Variants in LRRTM4 observed in about 807,000 individuals in gnomAD.
LRRTM4 encodes leucine rich repeat transmembrane neuronal 4, also known as leucine-rich repeat transmembrane neuronal protein 4.
A neutral mutation model predicts 47.6 loss-of-function variants in LRRTM4; 25 were observed. That is an observed-to-expected ratio of 0.53 (90% CI 0.38 to 0.73). LRRTM4 has a LOEUF of 0.73. Ranked by LOEUF, LRRTM4 falls within the 30% of genes least tolerant of loss-of-function variation. The pLI is 0.00. For synonymous variants in LRRTM4, 311 were observed against 269.5 expected (o/e 1.15, Z -1.51); for missense variants, 638 against 713.4 (o/e 0.89, Z 1.20).
chr2:77,035,570 G>GA (rs1310619640), intron 3 of LRRTM4, among the ~76,000 whole-genome samples: 5 of 151,530 alleles, frequency 3.3e-5, no homozygotes, highest in African/African-American at 1.2e-4. Flanking sequence ...ATAAACCCAA[G>GA]AAACAAAAAT....
chr2:77,422,428 A>C (rs955534227), intron 3 of LRRTM4, among the ~76,000 whole-genome samples: 1 of 152,200 alleles, frequency 6.6e-6, no homozygotes, highest in African/African-American at 2.4e-5. Context: ...AGCAAGTTGC[A>C]ATTTGTTAAA....
chr2:77,163,582 T>C (rs1019138966), intron 3 of LRRTM4, among the ~76,000 whole-genome samples: 9 of 152,176 alleles, frequency 5.9e-5, no homozygotes, highest in African/African-American at 1.2e-4. Flanking sequence ...GAGAAAAAGT[T>C]TGGGTTACCC....
chr2:76,748,603 T>C lies in LRRTM4; in HGVS notation c.*92A>G. On this transcript the variant is annotated 3_prime_UTR_variant, in exon 4 of 4. Coordinates refer to ENST00000409884, the MANE Select transcript of LRRTM4 (RefSeq NM_001134745.3). ...GTTTTAACAGGAACGATGAGCTTGC[T>C]CGATTGCGCGATTGTGGACACCCAT... 9.9e-7 allele frequency: 1 copy of C among 1,014,870 alleles called. No individual in the cohort carries two copies. The highest frequency in any genetic ancestry group is 1.5e-6 in the Non-Finnish European group (1 of 672,192). 62.9% of individuals were successfully genotyped at this position (1,014,870 alleles called of 1,614,324 possible). A position where few individuals can be genotyped will look rare whatever the true frequency, so the allele number is the denominator to read the frequency against.
intron 3 of LRRTM4, among the ~76,000 whole-genome samples, chr2:77,356,899 T>C (rs1281998027): frequency 1.3e-5 from 2 of 152,172 alleles, no homozygotes; most frequent in Admixed American, 1.3e-4. Context: ...ATTAATGTAT[T>C]TGATTTTTTT....
intron 3 of LRRTM4, among the ~76,000 whole-genome samples, chr2:77,055,407 G>A (rs1425405154): frequency 2.0e-5 from 3 of 152,134 alleles, no homozygotes; most frequent in Non-Finnish European, 4.4e-5. Flanking sequence ...CTCAAAAGAA[G>A]ACATTTATGC....
intron 3 of LRRTM4, among the ~76,000 whole-genome samples, chr2:77,400,140 TTA>T (rs1348567190): frequency 1.3e-5 from 2 of 151,884 alleles, no homozygotes; most frequent in African/African-American, 4.8e-5. Context: ...TTCCACATAT[TTA>T]TATGTCTTTC....
At chr2:77,235,559 G>A (rs1004789844) in intron 3 of LRRTM4, among the ~76,000 whole-genome samples, 4 of 152,002 alleles carry the variant, frequency 2.6e-5, no homozygotes, top group Admixed American at 6.6e-5. Flanking sequence ...TTGCAATTAC[G>A]TTTGAGGACA....
intron 3 of LRRTM4, among the ~76,000 whole-genome samples, chr2:77,512,732 A>G (rs573474577): frequency 6.6e-6 from 1 of 152,222 alleles, no homozygotes; most frequent in South Asian, 2.1e-4. Flanking sequence ...TTTTATAAAC[A>G]CAGAAAAGTC....
intron 3 of LRRTM4, among the ~76,000 whole-genome samples, chr2:76,936,345 C>A (rs368640940): frequency 2.0e-5 from 3 of 151,578 alleles, no homozygotes; most frequent in East Asian, 1.9e-4. Flanking sequence ...AAACAAAAAA[C>A]CAAACACCAC....
intron 3 of LRRTM4, among the ~76,000 whole-genome samples, chr2:77,155,020 T>C (rs915170652): frequency 6.6e-6 from 1 of 152,140 alleles, no homozygotes; most frequent in South Asian, 2.1e-4. Context: ...ATCCACATAA[T>C]AGGCACTCTA....
chr2:77,413,507 A>G (rs1489221724), intron 3 of LRRTM4, among the ~76,000 whole-genome samples: 2 of 152,150 alleles, frequency 1.3e-5, no homozygotes. Flanking sequence ...TATTTGCCCT[A>G]TTCTGGACCA....
intron 3 of LRRTM4, among the ~76,000 whole-genome samples, chr2:77,084,025 C>T (rs923941242): frequency 6.6e-6 from 1 of 151,336 alleles, no homozygotes; most frequent in African/African-American, 2.4e-5. Context: ...AAGGATGATC[C>T]CCATCTCCTG....
intron 3 of LRRTM4, among the ~76,000 whole-genome samples, chr2:77,140,354 G>C (rs541556797): frequency 6.6e-6 from 1 of 152,234 alleles, no homozygotes; most frequent in East Asian, 1.9e-4. Context: ...TGACAAACCT[G>C]ATAAAAACAA....
Position 77,451,025 on chromosome 2 carries a change from C to T in LRRTM4, c.1551+67293G>A, listed in dbSNP as rs571905654. Among the ~76,000 whole-genome samples the T allele has an allele frequency of 5.3e-5, 8 of 152,226 alleles. No homozygotes were observed. The East Asian group carries it at 1.5e-3, about 29-fold the overall frequency. The stretch of plus-strand genomic sequence containing the variant: ...TTCTATATGTAAACTTTTGCAATAA[C>T]CAAAACAGTTCATATACTTTCCCAT... On this transcript the variant is annotated intron_variant, in intron 3 of 3. Transcript: ENST00000409884.
At position 77,519,966 on chromosome 2, in the gene LRRTM4, G is replaced by C; in HGVS notation, c.5-102C>G. 1 of 1,439,452 alleles carries C rather than the reference G, an allele frequency of 6.9e-7. No homozygotes were observed. The highest frequency in any genetic ancestry group is 1.5e-5 in the South Asian group (1 of 66,242). 89.2% of individuals were successfully genotyped at this position (1,439,452 alleles called of 1,614,324 possible). A position where few individuals can be genotyped will look rare whatever the true frequency, so the allele number is the denominator to read the frequency against. On this transcript the variant is annotated intron_variant, in intron 2 of 3. Transcript: ENST00000409884. The surrounding 1 kb of genome is among the most constrained non-coding windows in gnomAD (Gnocchi z 4.6). ...GGCATTTCCTCTAGTGTAGGAATGG[G>C]ACAGTTGATTTAAGGAAAATGCATT...
chr2:76,783,556 G>A (rs1046719562), intron 3 of LRRTM4, among the ~76,000 whole-genome samples: 1 of 151,936 alleles, frequency 6.6e-6, no homozygotes, highest in Non-Finnish European at 1.5e-5. Context: ...TCCCTCCCTG[G>A]CCCATGGCAA....
chr2:76,901,465 A>T (rs1375361035), intron 3 of LRRTM4, among the ~76,000 whole-genome samples: 1 of 151,594 alleles, frequency 6.6e-6, no homozygotes, highest in Non-Finnish European at 1.5e-5. Flanking sequence ...AAATGGGACC[A>T]CTGTGACTTA....
At chr2:77,408,841 A>T (rs1056433360) in intron 3 of LRRTM4, among the ~76,000 whole-genome samples, 2 of 152,212 alleles carry the variant, frequency 1.3e-5, no homozygotes, top group African/African-American at 4.8e-5. Flanking sequence ...CTGTTTCATA[A>T]ATGTGTTTCA....
chr2:76,806,482 G>A (rs1217301109), intron 3 of LRRTM4, among the ~76,000 whole-genome samples: 1 of 152,106 alleles, frequency 6.6e-6, no homozygotes. Context: ...TTGGAAGGCT[G>A]ATGAAGGAGA....
Sources: allele counts gnomAD v4.1 joint callset (sites outside exome capture counted in the v4.1 genomes callset), GRCh38; gene constraint gnomAD v4.1.1; non-coding constraint Gnocchi (gnomAD v3.1); transcripts MANE v1.5; gene names NCBI Gene and HGNC (gene_info 2026-07-23, HGNC 2026-07-21).